The following VPS41 variants were observed in gnomAD, a reference collection of about 807,000 sequenced individuals.
VPS41 encodes vacuolar protein sorting-associated protein 41 homolog.
VPS41 carries 85 observed loss-of-function variants against 130.9 expected under a neutral mutation model. The ratio of observed to expected loss-of-function variants is 0.65; its 90% CI spans 0.55 to 0.78. The LOEUF (loss-of-function observed/expected upper bound fraction) is 0.78, where lower values mean the gene tolerates loss of function less well. Among genes scored for constraint, VPS41 ranks in the 30% least tolerant of loss-of-function variants. The pLI is 0.00. For synonymous variants in VPS41, 335 were observed against 332.9 expected, an observed-to-expected ratio of 1.01 and a Z score of -0.07; for missense variants, 874 against 1,018.7, an observed-to-expected ratio of 0.86 and a Z score of 1.93.
chr7:38,779,925 TCA>T lies in VPS41; in HGVS notation c.785-3151_785-3150del, dbSNP rs1436333374. On this transcript the variant is annotated intron_variant, in intron 10 of 28. Coordinates refer to ENST00000310301, the MANE Select transcript of VPS41 (RefSeq NM_014396.4). ...AATTTTCAGTGGACGAATGGAAGTT[TCA>T]GTTTATTTACTTTCACTAAAATTCT... 3.9e-5 allele frequency among the ~76,000 whole-genome samples: 6 copies of T among 152,180 alleles called. No individual in the cohort carries two copies. In the East Asian group the frequency reaches 1.2e-3, roughly 29 times the overall value.
intron 4 of VPS41, among the ~76,000 whole-genome samples, chr7:38,838,828 T>G (rs1584421089): frequency 6.6e-6 from 1 of 152,204 alleles, no homozygotes; most frequent in Admixed American, 6.5e-5. Flanking sequence ...GCTCTTCAAT[T>G]AGGAATAAAT....
chr7:38,741,286 A>AT, intron 25 of VPS41: 1 of 319,564 alleles, frequency 3.1e-6, no homozygotes, highest in Non-Finnish European at 6.3e-6. Context: ...AACAGTCCGA[A>AT]TTTTTAAGGA....
At chr7:38,726,421 G>T in intron 28 of VPS41, 95 bp from the exon 29 acceptor site, 3 of 925,020 alleles carry the variant, frequency 3.2e-6, no homozygotes, top group Non-Finnish European at 3.4e-6. Context: ...TCAGGGGGTG[G>T]AGAGGAAGTA....
intron 1 of VPS41, among the ~76,000 whole-genome samples, chr7:38,900,608 CTT>C (rs1787120099): frequency 6.6e-6 from 1 of 152,200 alleles, no homozygotes; most frequent in Admixed American, 6.5e-5. Context: ...AAATTACACT[CTT>C]TCTCCACACC....
chr7:38,841,211 A>G (rs772905478), intron 4 of VPS41, among the ~76,000 whole-genome samples: 7 of 152,254 alleles, frequency 4.6e-5, no homozygotes, highest in African/African-American at 9.6e-5. Flanking sequence ...CAACCAACAA[A>G]GAAGCCTGGC....
intron 5 of VPS41, among the ~76,000 whole-genome samples, chr7:38,823,346 C>T (rs1785213248): frequency 6.6e-6 from 1 of 152,180 alleles, no homozygotes; most frequent in Non-Finnish European, 1.5e-5. Context: ...GAGCAGCCCT[C>T]ACCAGATGCC....
chr7:38,821,100 A>T, intron 6 of VPS41, 103 bp downstream of exon 6: 1 of 834,330 alleles, frequency 1.2e-6, no homozygotes, highest in Non-Finnish European at 2.0e-6. Flanking sequence ...ACAGACACTT[A>T]CTGACAAAAT....
chr7:38,756,979 G>A lies in VPS41; in HGVS notation c.1554C>T (p.Tyr518=), dbSNP rs1478332405. 16 of 1,586,960 alleles carry A rather than the reference G, an allele frequency of 1.0e-5. No individual in the cohort carries two copies. In the African/African-American group the frequency reaches 2.2e-4, roughly 21 times the overall value. Residue 518 remains tyrosine, a synonymous_variant, in exon 19 of 29, where the codon TAC becomes TAT. Coordinates refer to ENST00000310301, the MANE Select transcript of VPS41 (RefSeq NM_014396.4). ...CATTGCCATAGTTCTTGTCATAGGT[G>A]TACCTGGTAATACAAATTTTTTACA... ...KTLLKTLAEL[Y]TYDKNYGNAL...
At chr7:38,765,553 G>C in intron 16 of VPS41, 27 bp downstream of exon 16, 1 of 1,445,500 alleles carries the variant, frequency 6.9e-7, no homozygotes, top group South Asian at 1.2e-5. Flanking sequence ...TGCAGAAACT[G>C]AGAGTTAAAA....
Position 38,830,273 on chromosome 7 carries a change from A to G in VPS41, c.302T>C (p.Val101Ala). ...SLDESGEHMG[V>A]CSEDGKVQVF... is the part of the protein sequence containing the mutation. The stretch of plus-strand genomic sequence containing the variant: ...CCATACCTTGCCATCCTCTGAACAC[A>G]CACCCATGTGCTCTCCACTTTCATC... Residue 101 changes from valine (V) to alanine (A), a missense_variant, in exon 5 of 29, where the codon GTG becomes GCG. By Grantham distance (64) the Val-to-Ala change is moderately conservative (BLOSUM62 0). Coordinates refer to ENST00000310301, the MANE Select transcript of VPS41 (RefSeq NM_014396.4). 2 of 1,613,060 alleles carry G rather than the reference A, an allele frequency of 1.2e-6. No individual in the cohort carries two copies. Among genetic ancestry groups the G allele is most frequent in the Admixed American group, 1.7e-5 (1 of 60,024 alleles).
At chr7:38,774,077 TA>T in intron 12 of VPS41, 37 bp downstream of exon 12, 7 of 1,534,582 alleles carry the variant, frequency 4.6e-6, no homozygotes, top group Non-Finnish European at 4.4e-6. Flanking sequence ...AAAAAAACAT[TA>T]AAAAAGCATA....
At chr7:38,726,767 A>C (rs1481516689) in intron 28 of VPS41, 142 bp downstream of exon 28, 1 of 641,864 alleles carries the variant, frequency 1.6e-6, no homozygotes, top group Non-Finnish European at 2.4e-6. Context: ...AACTAGATTA[A>C]TTTTTGTTAT....
intron 4 of VPS41, chr7:38,831,271 G>A: frequency 2.1e-6 from 1 of 470,930 alleles, no homozygotes; most frequent in South Asian, 1.5e-5. Flanking sequence ...TTATAATTTA[G>A]TAAGTGTGTG....
At chr7:38,897,953 T>C in intron 2 of VPS41, 138 bp downstream of exon 2, 1 of 596,824 alleles carries the variant, frequency 1.7e-6, no homozygotes, top group South Asian at 2.9e-5. Context: ...TATTAAAAGC[T>C]CTTCCCCAAG....
intron 4 of VPS41, among the ~76,000 whole-genome samples, chr7:38,859,663 G>A (rs1037096984): frequency 3.9e-5 from 6 of 152,116 alleles, no homozygotes; most frequent in African/African-American, 1.4e-4. Context: ...TACCACCTAG[G>A]TCTGTGTAAG....
intron 7 of VPS41, among the ~76,000 whole-genome samples, chr7:38,801,215 C>T (rs1016875260): frequency 1.3e-5 from 2 of 152,170 alleles, no homozygotes; most frequent in African/African-American, 4.8e-5. Flanking sequence ...TCCCAAAAAC[C>T]TTGTGGACCC....
At chr7:38,854,037 T>C (rs1048257723) in intron 4 of VPS41, among the ~76,000 whole-genome samples, 13 of 152,236 alleles carry the variant, frequency 8.5e-5, no homozygotes, top group African/African-American at 2.2e-4. Flanking sequence ...TGCAGACAAC[T>C]GGAAATATGA....
At chr7:38,782,046 T>C (rs564671271) in intron 10 of VPS41, among the ~76,000 whole-genome samples, 2 of 152,364 alleles carry the variant, frequency 1.3e-5, no homozygotes, top group African/African-American at 4.8e-5. Context: ...ATGAAAAATA[T>C]GGCAGATTGC....
intron 25 of VPS41, among the ~76,000 whole-genome samples, chr7:38,733,982 A>G (rs1795717175): frequency 6.6e-6 from 1 of 152,168 alleles, no homozygotes; most frequent in African/African-American, 2.4e-5. Context: ...ACTACTCCAG[A>G]GGTTGAAGTG....
Sources: allele counts gnomAD v4.1 joint callset (sites outside exome capture counted in the v4.1 genomes callset), GRCh38; gene constraint gnomAD v4.1.1; transcripts MANE v1.5; gene names NCBI Gene and HGNC (gene_info 2026-07-23, HGNC 2026-07-21).